Variants in FAF1 observed in about 807,000 individuals in gnomAD.
FAF1 encodes Fas associated factor 1, also known as FAS-associated factor 1.
In FAF1, 25 loss-of-function variants were observed where a neutral mutation model predicts 92.5. The ratio of observed to expected loss-of-function variants is 0.27; its 90% CI spans 0.20 to 0.38. The LOEUF (loss-of-function observed/expected upper bound fraction) is 0.38. Ranked by LOEUF, FAF1 falls within the 10% of genes least tolerant of loss-of-function variation. The pLI, the probability that FAF1 is intolerant of heterozygous loss-of-function variation, is 1.00. For missense variants in FAF1, 636 were observed against 793.3 expected (o/e 0.80, Z 2.38); for synonymous variants, 234 against 273.2 (o/e 0.86, Z 1.42).
rs1572858392 is a variant in FAF1, at chr1:50,596,361, C to T, written c.745-145G>A. ...CCTGGGTATTACATTACCAGGAAGG[C>T]TTTGAAAATTTGAAATTTTTCCACA... On this transcript the variant is annotated intron_variant, in intron 8 of 18. Transcript: ENST00000396153. 3 of 614,346 alleles carry T rather than the reference C, an allele frequency of 4.9e-6. No homozygotes were observed. The East Asian group carries it at 8.9e-5, about 18-fold the overall frequency. The allele number at this position is 614,346 out of a possible 1,614,324, so 38.1% of individuals were successfully genotyped here.
intron 17 of FAF1, among the ~76,000 whole-genome samples, chr1:50,489,623 T>G (rs1370686278): frequency 1.3e-5 from 2 of 152,156 alleles, no homozygotes; most frequent in African/African-American, 2.4e-5. Flanking sequence ...CCTAACAGAT[T>G]TGGAGCACAT....
At chr1:50,789,044 G>A (rs758532216) in intron 3 of FAF1, among the ~76,000 whole-genome samples, 36 of 151,924 alleles carry the variant, frequency 2.4e-4, no homozygotes, top group Admixed American at 1.6e-3. Flanking sequence ...AATGTTGCCC[G>A]GGCTAGTCTT....
At chr1:50,644,065 CT>C (rs1161200123) in intron 8 of FAF1, among the ~76,000 whole-genome samples, 3 of 152,144 alleles carry the variant, frequency 2.0e-5, no homozygotes. Context: ...TGACTGACTT[CT>C]TTTCTGGTTA....
intron 4 of FAF1, among the ~76,000 whole-genome samples, chr1:50,777,539 G>A (rs549553245): frequency 1.3e-5 from 2 of 151,966 alleles, no homozygotes; most frequent in South Asian, 2.1e-4. Flanking sequence ...TTTTTTCAAG[G>A]GGACCTTAAA....
At chr1:50,907,140 T>C (rs1266446462) in intron 1 of FAF1, among the ~76,000 whole-genome samples, 1 of 152,224 alleles carries the variant, frequency 6.6e-6, no homozygotes, top group African/African-American at 2.4e-5. Context: ...GAGATAATCA[T>C]GTGGTTTTTG....
chr1:50,647,612 C>A (rs562184643), intron 8 of FAF1, among the ~76,000 whole-genome samples: 1 of 152,136 alleles, frequency 6.6e-6, no homozygotes, highest in Admixed American at 6.6e-5. Context: ...AAATAAAACA[C>A]AGTAATAGCC....
chr1:50,792,667 T>C (rs1661606158), intron 3 of FAF1, among the ~76,000 whole-genome samples: 2 of 152,214 alleles, frequency 1.3e-5, no homozygotes, highest in Non-Finnish European at 1.5e-5. Context: ...CTATACATCA[T>C]CCATGAGGTC....
chr1:50,649,806 AAG>A (rs1295405854), intron 8 of FAF1, among the ~76,000 whole-genome samples: 35 of 151,624 alleles, frequency 2.3e-4, no homozygotes, highest in Non-Finnish European at 4.6e-4. Context: ...AAAAAAGAAA[AAG>A]AAAAAAATTA....
intron 6 of FAF1, among the ~76,000 whole-genome samples, chr1:50,736,444 T>C (rs1659140874): frequency 6.6e-6 from 1 of 152,198 alleles, no homozygotes; most frequent in South Asian, 2.1e-4. Flanking sequence ...TGTTTGATTC[T>C]ATTATATAGT....
At chr1:50,588,323 T>C (rs1328121066) in intron 9 of FAF1, among the ~76,000 whole-genome samples, 2 of 152,218 alleles carry the variant, frequency 1.3e-5, no homozygotes, top group Non-Finnish European at 2.9e-5. Flanking sequence ...TTTAAACTAT[T>C]TGTCAGGCAA....
chr1:50,615,283 C>T (rs1207928178), intron 8 of FAF1, among the ~76,000 whole-genome samples: 1 of 152,200 alleles, frequency 6.6e-6, no homozygotes, highest in Non-Finnish European at 1.5e-5. Context: ...ATCCAATCCA[C>T]CACTGATGTC....
intron 8 of FAF1, chr1:50,606,964 GAAC>G (rs979861478): frequency 1.3e-5 from 2 of 152,084 alleles, no homozygotes; most frequent in African/African-American, 2.4e-5. Flanking sequence ...TTGAGAGAAA[GAAC>G]AACAGGCTAT....
At chr1:50,875,548 G>A (rs371528456) in intron 1 of FAF1, among the ~76,000 whole-genome samples, 40 of 152,146 alleles carry the variant, frequency 2.6e-4, no homozygotes, top group African/African-American at 8.2e-4. Flanking sequence ...CCTCTCCCAG[G>A]TTCAAGCAAT....
At chr1:50,624,298 C>T (rs1303392585) in intron 8 of FAF1, among the ~76,000 whole-genome samples, 1 of 152,162 alleles carries the variant, frequency 6.6e-6, no homozygotes, top group Non-Finnish European at 1.5e-5. Flanking sequence ...TGGGTGCCAG[C>T]CACCACGCCC....
chr1:50,593,781 T>C (rs1272279626), intron 9 of FAF1, among the ~76,000 whole-genome samples: 1 of 152,224 alleles, frequency 6.6e-6, no homozygotes, highest in African/African-American at 2.4e-5. Flanking sequence ...AGGATGATTA[T>C]AGACTACAAC....
chr1:50,494,713 A>T (rs1267241334), intron 15 of FAF1, among the ~76,000 whole-genome samples: 1 of 152,190 alleles, frequency 6.6e-6, no homozygotes, highest in Admixed American at 6.5e-5. Flanking sequence ...GTACACTCCC[A>T]GGGGTAAAAG....
At position 50,676,399 on chromosome 1, in the gene FAF1, C is replaced by T. The variant is rs1258418948; in HGVS notation, c.658-20871G>A. On this transcript the variant is annotated intron_variant, in intron 7 of 18. Coordinates refer to ENST00000396153, the MANE Select transcript of FAF1 (RefSeq NM_007051.3). ...TCCAGCCTGGGCAACAAGAGTGAAA[C>T]TCTGTCTTAAAAAAAAAAAAAGAAA... Among the ~76,000 whole-genome samples, 3 of 145,726 alleles carry T rather than the reference C, an allele frequency of 2.1e-5. No individual in the cohort carries two copies. The East Asian group carries it at 6.1e-4, about 29-fold the overall frequency.
chr1:50,556,555 G>T (rs1387670613), intron 13 of FAF1, among the ~76,000 whole-genome samples: 1 of 152,046 alleles, frequency 6.6e-6, no homozygotes, highest in South Asian at 2.1e-4. Context: ...AAGAAAATTG[G>T]CCAGGCAGAG....
At chr1:50,858,252 T>C (rs373265389) in intron 1 of FAF1, among the ~76,000 whole-genome samples, 1 of 151,868 alleles carries the variant, frequency 6.6e-6, no homozygotes, top group South Asian at 2.1e-4. Context: ...ATTTTGAGCT[T>C]TGATACCCAG....
Sources: allele counts gnomAD v4.1 joint callset (sites outside exome capture counted in the v4.1 genomes callset), GRCh38; gene constraint gnomAD v4.1.1; transcripts MANE v1.5; gene names NCBI Gene and HGNC (gene_info 2026-07-23, HGNC 2026-07-21).